The following CPA6 variants were observed in gnomAD, a reference collection of about 807,000 sequenced individuals.
CPA6 encodes the protein carboxypeptidase A6.
In CPA6, 58 loss-of-function variants were observed where a neutral mutation model predicts 63.3. The ratio of observed to expected loss-of-function variants is 0.92; its 90% CI spans 0.74 to 1.14. The LOEUF is 1.14. Among genes scored for constraint, CPA6 ranks in the 50% most tolerant of loss-of-function variants. CPA6 has a pLI of 0.00. For missense variants in CPA6, 565 were observed against 526.6 expected (o/e 1.07, Z -0.71); for synonymous variants, 185 against 179.0 (o/e 1.03, Z -0.27).
At chr8:67,599,892 T>C (rs1814447747) in intron 2 of CPA6, among the ~76,000 whole-genome samples, 1 of 152,094 alleles carries the variant, frequency 6.6e-6, no homozygotes, top group Non-Finnish European at 1.5e-5. Context: ...AATACAGTAG[T>C]ATGTCGAGTA....
chr8:67,622,550 T>C (rs970937935), intron 2 of CPA6, among the ~76,000 whole-genome samples: 2 of 152,146 alleles, frequency 1.3e-5, no homozygotes, highest in Non-Finnish European at 2.9e-5. Context: ...CAATACTATT[T>C]GTATAGGGGC....
chr8:67,462,169 A>G (rs1166392697), intron 8 of CPA6, among the ~76,000 whole-genome samples: 3 of 151,896 alleles, frequency 2.0e-5, no homozygotes, highest in African/African-American at 7.3e-5. Context: ...TTGGGTGTAA[A>G]TCCAGGGATA....
At chr8:67,673,796 C>T (rs1816408488) in intron 1 of CPA6, among the ~76,000 whole-genome samples, 2 of 152,062 alleles carry the variant, frequency 1.3e-5, no homozygotes, top group African/African-American at 2.4e-5. Flanking sequence ...TTTTTAAATG[C>T]CTGCTGTGCG....
intron 1 of CPA6, among the ~76,000 whole-genome samples, chr8:67,683,739 A>G (rs918088000): frequency 6.6e-5 from 10 of 152,122 alleles, no homozygotes; most frequent in Admixed American, 5.9e-4. Context: ...TACAGATCCT[A>G]TAACACTGTA....
At chr8:67,539,439 G>T (rs1422078931) in intron 2 of CPA6, among the ~76,000 whole-genome samples, 2 of 152,046 alleles carry the variant, frequency 1.3e-5, no homozygotes, top group East Asian at 3.9e-4. Flanking sequence ...ATTTTTCCTT[G>T]ATTTCAACCT....
intron 2 of CPA6, among the ~76,000 whole-genome samples, chr8:67,586,582 G>T (rs1813943799): frequency 6.6e-6 from 1 of 152,116 alleles, no homozygotes; most frequent in Admixed American, 6.5e-5. Context: ...TGATAATTAG[G>T]GTAGGAACTA....
In CPA6 at chr8:67,506,791, T is replaced by A; in HGVS notation, c.632A>T (p.Lys211Ile). The A allele has an allele frequency of 6.2e-7, 1 of 1,605,560 alleles. No homozygotes were observed. Among genetic ancestry groups the A allele is most frequent in the Admixed American group, 1.7e-5 (1 of 59,934 alleles). ...TGTGTAAAGGGTTTAACTTACTTCT[T>A]TTACAAACCACTGACAAAAGGCAGG... ...IGPAFCQWFV[K>I]EALLTYKSDP... Residue 211 changes from lysine (K) to isoleucine (I), a missense_variant, in exon 6 of 11, where the codon AAA becomes ATA. Physicochemically the swap from Lys to Ile is moderately radical, Grantham distance 102 (BLOSUM62 -3). Transcript: ENST00000297770.
chr8:67,430,163 G>GTA, intron 9 of CPA6, among the ~76,000 whole-genome samples: 1 of 143,306 alleles, frequency 7.0e-6, no homozygotes, highest in African/African-American at 2.8e-5. Flanking sequence ...GTGTGTGTGT[G>GTA]TGTGTGTGTA....
intron 8 of CPA6, among the ~76,000 whole-genome samples, chr8:67,466,058 C>G (rs969479705): frequency 5.5e-5 from 8 of 145,194 alleles, no homozygotes; most frequent in African/African-American, 2.0e-4. Context: ...CAGAATGTAG[C>G]TGTGGATTCA....
At chr8:67,632,148 C>CTGTGTGTG (rs35463897) in intron 1 of CPA6, among the ~76,000 whole-genome samples, 25 of 147,744 alleles carry the variant, frequency 1.7e-4, no homozygotes, top group African/African-American at 2.0e-4. Context: ...AAAAATGATG[C>CTGTGTGTG]TGTGTGTGTG....
At chr8:67,448,670 G>A (rs1257964655) in intron 8 of CPA6, among the ~76,000 whole-genome samples, 931 of 72,708 alleles carry the variant, frequency 0.013, no homozygotes, top group African/African-American at 0.031. Context: ...GAACGAAAAA[G>A]AAAAAAAAAG....
chr8:67,470,082 C>T (rs1053753747), intron 8 of CPA6, among the ~76,000 whole-genome samples: 22 of 149,870 alleles, frequency 1.5e-4, no homozygotes, highest in Admixed American at 3.4e-4. Context: ...ATCACCCAGG[C>T]TGGAGCATGA....
At chr8:67,648,108 G>A (rs1173267777) in intron 1 of CPA6, among the ~76,000 whole-genome samples, 3 of 152,122 alleles carry the variant, frequency 2.0e-5, no homozygotes, top group South Asian at 2.1e-4. Context: ...CCTATAGGGG[G>A]CTTAGGAGGA....
chr8:67,604,889 C>T (rs11781284), intron 2 of CPA6, among the ~76,000 whole-genome samples: 85,146 of 151,886 alleles, frequency 0.56, 26,275 homozygotes, highest in African/African-American at 0.83. Flanking sequence ...GCGATTTTCC[C>T]GCCTCAGCCT....
intron 1 of CPA6, among the ~76,000 whole-genome samples, chr8:67,652,291 A>G (rs1784099242): frequency 6.6e-6 from 1 of 152,170 alleles, no homozygotes; most frequent in Admixed American, 6.5e-5. Context: ...TCATATTTCT[A>G]GTTCTAGATC....
intron 2 of CPA6, among the ~76,000 whole-genome samples, chr8:67,559,772 A>C (rs1813157663): frequency 6.6e-6 from 1 of 151,978 alleles, no homozygotes; most frequent in Non-Finnish European, 1.5e-5. Flanking sequence ...CAGAGAAGGC[A>C]ACAAGATGGG....
At chr8:67,535,085 C>A (rs1812557485) in intron 2 of CPA6, among the ~76,000 whole-genome samples, 1 of 152,072 alleles carries the variant, frequency 6.6e-6, no homozygotes, top group South Asian at 2.1e-4. Flanking sequence ...TGTATATGTG[C>A]CACATTTTCT....
chr8:67,710,099 C>T (rs970390994), intron 1 of CPA6, among the ~76,000 whole-genome samples: 13 of 146,224 alleles, frequency 8.9e-5, no homozygotes, highest in African/African-American at 2.6e-4. Context: ...GGCAACAGAG[C>T]GAGACTTGGT....
At chr8:67,636,200 T>C (rs969880630) in intron 1 of CPA6, among the ~76,000 whole-genome samples, 2 of 151,510 alleles carry the variant, frequency 1.3e-5, no homozygotes, top group African/African-American at 4.9e-5. Flanking sequence ...TATGCAATTC[T>C]GCATGCCATG....
Sources: gnomAD v4.1 joint callset for allele counts (sites outside exome capture counted in the v4.1 genomes callset) on GRCh38, gnomAD v4.1.1 for gene constraint, MANE v1.5 for transcripts, NCBI Gene and HGNC (gene_info 2026-07-23, HGNC 2026-07-21) for gene names.